The following GRIN2B variants were observed in gnomAD, a reference collection of about 807,000 sequenced individuals.
The protein encoded by GRIN2B is glutamate receptor ionotropic, NMDA 2B.
Under a neutral mutation model 114.5 loss-of-function variants are expected in GRIN2B, and 5 were observed. The ratio of observed to expected loss-of-function variants is 0.04; its 90% CI spans 0.02 to 0.09. The LOEUF (loss-of-function observed/expected upper bound fraction) is 0.09. Among genes scored for constraint, GRIN2B ranks in the 10% least tolerant of loss-of-function variants. The pLI, the probability that GRIN2B is intolerant of heterozygous loss-of-function variation, is 1.00. For missense variants in GRIN2B, 1,108 were observed against 1,943.5 expected (o/e 0.57, Z 8.08); for synonymous variants, 787 against 745.1 (o/e 1.06, Z -0.92).
At chr12:13,945,682 T>C (rs996638330) in intron 2 of GRIN2B, among the ~76,000 whole-genome samples, 2 of 152,094 alleles carry the variant, frequency 1.3e-5, no homozygotes, top group Non-Finnish European at 1.5e-5. Context: ...TGAGGGGTGA[T>C]CTCTTGGCTT....
chr12:13,540,479 AC>A lies in GRIN2B; in HGVS notation c.*22303del, dbSNP rs894699668. ...CACAAAAAAGCCCTCCACCCAAAAG[AC>A]CCCCCACCCCCACCCGACCCCAATG... On this transcript the variant is annotated 3_prime_UTR_variant, in exon 14 of 14. Coordinates refer to ENST00000609686, the MANE Select transcript of GRIN2B (RefSeq NM_000834.5). The A allele has an allele frequency of 6.9e-6, 1 of 145,628 alleles. No homozygotes were observed. The highest frequency in any genetic ancestry group is 1.5e-5 in the Non-Finnish European group (1 of 66,006). The allele number at this position is 145,628 out of a possible 1,614,324, so 9.0% of individuals were successfully genotyped here. A position where few individuals can be genotyped will look rare whatever the true frequency, so the allele number is the denominator to read the frequency against.
At chr12:13,574,022 G>A (rs925649488) in intron 10 of GRIN2B, among the ~76,000 whole-genome samples, 2 of 152,150 alleles carry the variant, frequency 1.3e-5, no homozygotes, top group African/African-American at 4.8e-5. Flanking sequence ...AGTGGATAAA[G>A]ACACTACAAA....
chr12:13,845,032 T>C (rs956463766), intron 3 of GRIN2B, among the ~76,000 whole-genome samples: 1 of 152,092 alleles, frequency 6.6e-6, no homozygotes, highest in Non-Finnish European at 1.5e-5. Context: ...CTTTCCTAAG[T>C]AGCTCATTAG....
At chr12:13,863,062 G>C (rs1026474762) in intron 3 of GRIN2B, among the ~76,000 whole-genome samples, 1 of 152,152 alleles carries the variant, frequency 6.6e-6, no homozygotes, top group Non-Finnish European at 1.5e-5. Flanking sequence ...CTTATTTGGC[G>C]GAGAGAAAGA....
At chr12:13,565,789 G>C (rs934855179) in intron 13 of GRIN2B, among the ~76,000 whole-genome samples, 1 of 152,216 alleles carries the variant, frequency 6.6e-6, no homozygotes, top group Non-Finnish European at 1.5e-5. Flanking sequence ...TGGGAAAGAA[G>C]AAAGGTTTAG....
At chr12:13,927,281 C>T (rs892818055) in intron 2 of GRIN2B, among the ~76,000 whole-genome samples, 5 of 152,066 alleles carry the variant, frequency 3.3e-5, no homozygotes, top group African/African-American at 7.2e-5. Context: ...GCAGTATTTC[C>T]CTGGAGGTTA....
At chr12:13,579,040 T>C (rs901661203) in intron 10 of GRIN2B, among the ~76,000 whole-genome samples, 2 of 152,048 alleles carry the variant, frequency 1.3e-5, no homozygotes, top group African/African-American at 4.8e-5. Flanking sequence ...AAGGGGGCTG[T>C]CTCGATGGTG....
At chr12:13,773,241 C>CAAGTCT (rs923585509) in intron 3 of GRIN2B, among the ~76,000 whole-genome samples, 1 of 152,160 alleles carries the variant, frequency 6.6e-6, no homozygotes, top group Non-Finnish European at 1.5e-5. Context: ...ATATTTCCCC[C>CAAGTCT]AAGTCTAATT....
chr12:13,935,594 A>G (rs1333109735), intron 2 of GRIN2B, among the ~76,000 whole-genome samples: 1 of 152,220 alleles, frequency 6.6e-6, no homozygotes, highest in Admixed American at 6.5e-5. Context: ...CCCCTTATGC[A>G]TCTGTTTCCT....
At chr12:13,578,851 ACCTG>A in intron 10 of GRIN2B, among the ~76,000 whole-genome samples, 1 of 37,184 alleles carries the variant, frequency 2.7e-5, no homozygotes, top group Non-Finnish European at 1.7e-4. Flanking sequence ...CTGAACCGAG[ACCTG>A]AATAATAAGA....
At chr12:13,927,982 A>AAAAAAAAAAAG (rs71067738) in intron 2 of GRIN2B, among the ~76,000 whole-genome samples, 63 of 129,712 alleles carry the variant, frequency 4.9e-4, no homozygotes, top group African/African-American at 1.4e-3. Flanking sequence ...AAAAAAAAAA[A>AAAAAAAAAAAG]GGGGGGGTAT....
intron 5 of GRIN2B, among the ~76,000 whole-genome samples, chr12:13,623,834 C>T (rs1166177097): frequency 2.0e-5 from 3 of 152,160 alleles, no homozygotes; most frequent in African/African-American, 7.2e-5. Context: ...TGGTTTCCTA[C>T]CTAACTTGTA....
intron 3 of GRIN2B, among the ~76,000 whole-genome samples, chr12:13,826,969 T>C (rs1748523529): frequency 6.6e-6 from 1 of 151,510 alleles, no homozygotes; most frequent in Non-Finnish European, 1.5e-5. Flanking sequence ...AAAGATATTT[T>C]TGTATCTTTT....
intron 3 of GRIN2B, among the ~76,000 whole-genome samples, chr12:13,851,071 A>T (rs2136727727): frequency 6.6e-6 from 1 of 152,144 alleles, no homozygotes; most frequent in African/African-American, 2.4e-5. Flanking sequence ...CTCTTCTGAA[A>T]CTCCAAATTT....
chr12:13,848,394 G>A (rs1300072478), intron 3 of GRIN2B, among the ~76,000 whole-genome samples: 1 of 152,016 alleles, frequency 6.6e-6, no homozygotes, highest in Non-Finnish European at 1.5e-5. Flanking sequence ...CTACTTCCTG[G>A]AGAAACCCCA....
chr12:13,877,259 C>T (rs1335240160), intron 2 of GRIN2B, among the ~76,000 whole-genome samples: 2 of 152,176 alleles, frequency 1.3e-5, no homozygotes, highest in African/African-American at 2.4e-5. Context: ...AGGTTTAAAA[C>T]AAGCTTTTGA....
intron 5 of GRIN2B, among the ~76,000 whole-genome samples, chr12:13,658,883 G>C (rs1024906199): frequency 6.7e-6 from 1 of 150,336 alleles, no homozygotes; most frequent in African/African-American, 2.5e-5. Flanking sequence ...TCACCTTGCT[G>C]TCAGGCTGTC....
intron 10 of GRIN2B, among the ~76,000 whole-genome samples, chr12:13,606,787 A>C (rs10845811): frequency 6.6e-6 from 1 of 151,952 alleles, no homozygotes; most frequent in East Asian, 1.9e-4. Flanking sequence ...GATGTTGATG[A>C]AGGAACAATA....
At chr12:13,798,197 A>G (rs1864449246) in intron 3 of GRIN2B, among the ~76,000 whole-genome samples, 1 of 152,226 alleles carries the variant, frequency 6.6e-6, no homozygotes, top group Non-Finnish European at 1.5e-5. Flanking sequence ...CTCTACTAAA[A>G]TACTAAAATG....
Sources: allele counts gnomAD v4.1 joint callset (sites outside exome capture counted in the v4.1 genomes callset), GRCh38; gene constraint gnomAD v4.1.1; transcripts MANE v1.5; gene names NCBI Gene and HGNC (gene_info 2026-07-23, HGNC 2026-07-21).